Variants in SLC7A8 observed in about 807,000 individuals in gnomAD.
The protein encoded by SLC7A8 is solute carrier family 7 member 8, also known as large neutral amino acids transporter small subunit 2.
SLC7A8 carries 30 observed loss-of-function variants against 51.2 expected under a neutral mutation model. The observed-to-expected ratio is 0.59, with a 90% confidence interval of 0.44 to 0.80. The LOEUF (loss-of-function observed/expected upper bound fraction) is 0.80. Ranked by LOEUF, SLC7A8 falls within the 30% of genes least tolerant of loss-of-function variation. SLC7A8 has a pLI of 0.00. For missense variants in SLC7A8, 612 were observed against 674.4 expected, an observed-to-expected ratio of 0.91 and a Z score of 1.03; for synonymous variants, 257 against 275.8, an observed-to-expected ratio of 0.93 and a Z score of 0.67.
chr14:23,159,237 CA>C (rs928917121), intron 3 of SLC7A8, among the ~76,000 whole-genome samples: 3 of 151,512 alleles, frequency 2.0e-5, no homozygotes, highest in African/African-American at 7.3e-5. Flanking sequence ...TTCTCTTTTC[CA>C]AAAAAAATCT....
intron 3 of SLC7A8, among the ~76,000 whole-genome samples, chr14:23,152,960 G>A (rs1245664938): frequency 6.6e-6 from 1 of 152,202 alleles, no homozygotes; most frequent in Non-Finnish European, 1.5e-5. Context: ...TATAAGGACA[G>A]TGCTAAGAAG....
At chr14:23,149,648 C>T (rs2048829449) in intron 3 of SLC7A8, among the ~76,000 whole-genome samples, 1 of 152,186 alleles carries the variant, frequency 6.6e-6, no homozygotes. Context: ...GTGTACTGTC[C>T]TGTGGTAGAC....
intron 3 of SLC7A8, among the ~76,000 whole-genome samples, chr14:23,153,925 A>G (rs1441773676): frequency 6.6e-6 from 1 of 152,174 alleles, no homozygotes; most frequent in African/African-American, 2.4e-5. Flanking sequence ...AAAGTCCATA[A>G]AGACAGATGG....
intron 5 of SLC7A8, among the ~76,000 whole-genome samples, chr14:23,139,902 G>C (rs2048727033): frequency 6.6e-6 from 1 of 152,180 alleles, no homozygotes; most frequent in Non-Finnish European, 1.5e-5. Context: ...AGATACTTAG[G>C]AGGCTGAGGT....
Position 23,132,237 on chromosome 14 carries a change from C to T in SLC7A8, c.1017-680G>A, listed in dbSNP as rs527449703. ...CAGGCTGGTCTTGAACTGCTGACCT[C>T]GTGATCCACTTGCCTCGGCCTCCCA... is the stretch of plus-strand genomic sequence containing the variant. On this transcript the variant is annotated intron_variant, in intron 7 of 10. Coordinates refer to ENST00000316902, the MANE Select transcript of SLC7A8 (RefSeq NM_012244.4). Among the ~76,000 whole-genome samples the T allele has an allele frequency of 1.1e-4, 17 of 152,106 alleles. No individual in the cohort carries two copies. The South Asian group carries it at 2.7e-3, about 24-fold the overall frequency.
chr14:23,173,131 C>T (rs1382040847), intron 1 of SLC7A8, among the ~76,000 whole-genome samples: 1 of 152,156 alleles, frequency 6.6e-6, no homozygotes, highest in Admixed American at 6.5e-5. Flanking sequence ...TCAATACTCA[C>T]CATGTACTAG....
At chr14:23,144,585 G>A (rs747895292) in intron 3 of SLC7A8, among the ~76,000 whole-genome samples, 2 of 152,164 alleles carry the variant, frequency 1.3e-5, no homozygotes, top group East Asian at 1.9e-4. Context: ...TATCAGTACC[G>A]TATTCTTATA....
intron 7 of SLC7A8, among the ~76,000 whole-genome samples, chr14:23,136,059 A>G (rs992993169): frequency 1.3e-5 from 2 of 152,200 alleles, no homozygotes; most frequent in Non-Finnish European, 2.9e-5. Context: ...AGGAACAAAA[A>G]GGCACATATT....
intron 3 of SLC7A8, among the ~76,000 whole-genome samples, chr14:23,148,785 C>T (rs1273184542): frequency 1.3e-5 from 2 of 152,210 alleles, no homozygotes; most frequent in African/African-American, 4.8e-5. Context: ...CCCAGAGCCT[C>T]CTGAAGAAAT....
chr14:23,182,934 A>G lies in SLC7A8; in HGVS notation c.-20T>C, dbSNP rs781183090. ...TTCCATCCTTCTCAGTAGGATTGCA[A>G]CCTCAAAAGCTGCCTCCCTTTCTAA... On this transcript the variant is annotated 5_prime_UTR_variant, in exon 1 of 11. Coordinates refer to ENST00000316902, the MANE Select transcript of SLC7A8 (RefSeq NM_012244.4). 6 of 1,613,860 alleles carry G rather than the reference A, an allele frequency of 3.7e-6. No individual in the cohort carries two copies. In the African/African-American group the frequency reaches 8.0e-5, roughly 22 times the overall value.
chr14:23,128,060 A>T lies in SLC7A8; in HGVS notation c.1400T>A (p.Val467Asp), dbSNP rs770372503. ...ACACTTGGGCTTGTGTTGCCAGTAA[A>T]CACCCAGGAAATAGACAGGCACTCC... ...LTGVPVYFLG[V>D]YWQHKPKCFS... is the part of the protein sequence containing the mutation. The change falls in exon 10 of 11, where the codon GTT becomes GAT. Residue 467 changes from valine to aspartate, a missense_variant. Transcript: ENST00000316902. This position sits in a 1 kb window ranked among gnomAD's most constrained non-coding sequence, Gnocchi z 4.3. 1.9e-6 allele frequency: 3 copies of T among 1,614,192 alleles called. No homozygotes were observed. In the South Asian group the frequency reaches 3.3e-5, roughly 18 times the overall value.
chr14:23,158,413 T>A (rs1031370200), intron 3 of SLC7A8, among the ~76,000 whole-genome samples: 1 of 152,154 alleles, frequency 6.6e-6, no homozygotes, highest in Admixed American at 6.5e-5. Flanking sequence ...TGGCGCAATC[T>A]CGGCTCACTG....
At chr14:23,174,482 G>A (rs2048990071) in intron 1 of SLC7A8, among the ~76,000 whole-genome samples, 2 of 152,370 alleles carry the variant, frequency 1.3e-5, no homozygotes, top group Admixed American at 1.3e-4. Flanking sequence ...AAACCAATGG[G>A]AAGACATGTG....
chr14:23,168,347 C>T (rs2048960166), intron 1 of SLC7A8, among the ~76,000 whole-genome samples: 1 of 152,192 alleles, frequency 6.6e-6, no homozygotes, highest in Admixed American at 6.5e-5. Flanking sequence ...TGGACACGTT[C>T]CCCCTTCCAG....
intron 3 of SLC7A8, among the ~76,000 whole-genome samples, chr14:23,162,417 C>T (rs1365638005): frequency 6.6e-6 from 1 of 152,254 alleles, no homozygotes; most frequent in African/African-American, 2.4e-5. Flanking sequence ...TTGAAAATTC[C>T]TGTCTTTAGA....
rs1189935318 is a variant in SLC7A8, at chr14:23,165,323, G to C, written c.470C>G (p.Pro157Arg). The C allele has an allele frequency of 1.9e-6, 3 of 1,608,558 alleles. No homozygotes were observed. The highest frequency in any genetic ancestry group is 1.3e-5 in the African/African-American group (1 of 74,488). ...AGCCAGGAGCCGAAGGCCAGACTCTGGGGGGAAGCAGGTGGGGAAGAGCGG... is the reference window on the plus strand; with the variant it reads ...AGCCAGGAGCCGAAGGCCAGACTCTCGGGGGAAGCAGGTGGGGAAGAGCGG... ...LQPLFPTCFPPESGLRLLAAI... is the reference protein window; with the variant it reads ...LQPLFPTCFPRESGLRLLAAI... Residue 157 changes from proline (P) to arginine (R), a missense_variant, in exon 3 of 11, where the codon CCA (proline) becomes CGA (arginine). Physicochemically the swap from Pro to Arg is moderately radical, Grantham distance 103 (BLOSUM62 -2). Coordinates refer to ENST00000316902, the MANE Select transcript of SLC7A8 (RefSeq NM_012244.4). This position sits in a 1 kb window ranked among gnomAD's most constrained non-coding sequence, Gnocchi z 4.2.
chr14:23,158,213 C>A (rs1313785756), intron 3 of SLC7A8, among the ~76,000 whole-genome samples: 1 of 152,204 alleles, frequency 6.6e-6, no homozygotes, highest in African/African-American at 2.4e-5. Context: ...ATTTATATAA[C>A]ATTTCCCAAG....
chr14:23,150,284 T>C (rs1164811963), intron 3 of SLC7A8, among the ~76,000 whole-genome samples: 1 of 152,166 alleles, frequency 6.6e-6, no homozygotes, highest in Non-Finnish European at 1.5e-5. Context: ...CTCTACCTAG[T>C]AGCACCTGGT....
intron 3 of SLC7A8, chr14:23,154,110 T>C (rs2048870684): frequency 3.3e-6 from 1 of 302,526 alleles, no homozygotes; most frequent in African/African-American, 2.3e-5. Context: ...AAGGAAGCAG[T>C]GACGCCACTT....
Sources: gnomAD v4.1 joint callset for allele counts (sites outside exome capture counted in the v4.1 genomes callset) on GRCh38, gnomAD v4.1.1 for gene constraint, Gnocchi (gnomAD v3.1) non-coding constraint, MANE v1.5 for transcripts, NCBI Gene and HGNC (gene_info 2026-07-23, HGNC 2026-07-21) for gene names.